The following EXOC6B variants were observed in gnomAD, a reference collection of about 807,000 sequenced individuals.
The protein encoded by EXOC6B is SEC15 homolog B.
EXOC6B carries 54 observed loss-of-function variants against 113.5 expected under a neutral mutation model. The observed-to-expected ratio is 0.48, with a 90% CI of 0.38 to 0.60. The LOEUF is 0.60. Among genes scored for constraint, EXOC6B ranks in the 20% least tolerant of loss-of-function variants. The pLI is 0.00. For missense variants in EXOC6B, 797 were observed against 977.5 expected, an observed-to-expected ratio of 0.82 and a Z score of 2.46; for synonymous variants, 357 against 339.0, an observed-to-expected ratio of 1.05 and a Z score of -0.58.
intron 20 of EXOC6B, among the ~76,000 whole-genome samples, chr2:72,293,644 T>C (rs2104723234): frequency 6.6e-6 from 1 of 152,276 alleles, no homozygotes; most frequent in South Asian, 2.1e-4. Flanking sequence ...GTTTTGGAGC[T>C]TTTGGCTTAG....
At chr2:72,343,935 T>A (rs1430170398) in intron 19 of EXOC6B, among the ~76,000 whole-genome samples, 2 of 152,094 alleles carry the variant, frequency 1.3e-5, no homozygotes, top group Non-Finnish European at 2.9e-5. Flanking sequence ...TTCCGTTCAT[T>A]TTAATTGGAG....
chr2:72,192,091 G>A (rs552508121), intron 20 of EXOC6B, among the ~76,000 whole-genome samples: 18 of 152,092 alleles, frequency 1.2e-4, no homozygotes, highest in African/African-American at 1.7e-4. Context: ...ATTGTTGGAC[G>A]TACCCTACCT....
At chr2:72,647,795 A>T (rs981099897) in intron 6 of EXOC6B, among the ~76,000 whole-genome samples, 1 of 152,242 alleles carries the variant, frequency 6.6e-6, no homozygotes, top group Non-Finnish European at 1.5e-5. Flanking sequence ...TGGATTAAAG[A>T]CTTAAATGTT....
At position 72,825,705 on chromosome 2, in the gene EXOC6B, GGACCTGGGGACAGCCGGCCGGAGGCCC is replaced by G; in HGVS notation, c.113+66_113+92del. The G allele has an allele frequency of 7.3e-7, 1 of 1,367,126 alleles. No individual in the cohort carries two copies. The allele number at this position is 1,367,126 out of a possible 1,614,324, so 84.7% of individuals were successfully genotyped here. ...CTCTCCGAAGGGAGGGGCCGGCGCC[GGACCTGGGGACAGCCGGCCGGAGGCCC>G]GACCCAGAGGAGCCTGCCCCGTCCC... On this transcript the variant is annotated intron_variant, in intron 1 of 21. Transcript: ENST00000272427. The surrounding 1 kb of genome is among the most constrained non-coding windows in gnomAD (Gnocchi z 4.4).
chr2:72,815,413 C>T (rs1686175434), intron 1 of EXOC6B, among the ~76,000 whole-genome samples: 1 of 151,686 alleles, frequency 6.6e-6, no homozygotes, highest in South Asian at 2.1e-4. Flanking sequence ...ATCGCTTCAG[C>T]CCAGGAGACG....
At chr2:72,810,741 A>G (rs1685860375) in intron 1 of EXOC6B, among the ~76,000 whole-genome samples, 1 of 152,172 alleles carries the variant, frequency 6.6e-6, no homozygotes, top group Non-Finnish European at 1.5e-5. Flanking sequence ...TAAAGAATGA[A>G]AAAGGGAATA....
chr2:72,528,374 C>T (rs915762130), intron 8 of EXOC6B, among the ~76,000 whole-genome samples: 3 of 151,972 alleles, frequency 2.0e-5, no homozygotes, highest in Non-Finnish European at 4.4e-5. Context: ...TTCCTGGGTT[C>T]TCTATTCTGT....
intron 20 of EXOC6B, among the ~76,000 whole-genome samples, chr2:72,247,383 TA>T (rs1379580478): frequency 6.6e-5 from 10 of 152,130 alleles, no homozygotes; most frequent in African/African-American, 2.4e-4. Flanking sequence ...ATACCTAAAG[TA>T]GTAGGGGAAT....
chr2:72,388,711 T>C (rs528533727), intron 18 of EXOC6B, among the ~76,000 whole-genome samples: 1 of 152,248 alleles, frequency 6.6e-6, no homozygotes, highest in African/African-American at 2.4e-5. Context: ...TCTGCCAGTT[T>C]TTGTTTGATG....
chr2:72,184,115 G>A lies in EXOC6B; in HGVS notation c.2269C>T (p.Leu757Phe). 1.3e-6 allele frequency: 2 copies of A among 1,566,220 alleles called. No homozygotes were observed. The highest frequency in any genetic ancestry group is 1.7e-6 in the Non-Finnish European group (2 of 1,154,656). ...ADYGQPNCKY[L>F]RVNPVTALTL... Reference sequence around the variant, plus strand: ...AGAGCAGTCACTGGGTTTACCCGGAGGTACTTGCAGTTGGGCTGACCATAG... The same window carrying A: ...AGAGCAGTCACTGGGTTTACCCGGAAGTACTTGCAGTTGGGCTGACCATAG... Residue 757 changes from leucine to phenylalanine, a missense_variant, in exon 21 of 22, where the codon CTC becomes TTC. By Grantham distance (22) the Leu-to-Phe change is conservative (BLOSUM62 0). Transcript: ENST00000272427.
chr2:72,471,287 G>A (rs1179827263), intron 17 of EXOC6B, among the ~76,000 whole-genome samples: 1 of 152,046 alleles, frequency 6.6e-6, no homozygotes, highest in Admixed American at 6.6e-5. Flanking sequence ...GTCTGTTCAT[G>A]TCCTTCGCCC....
At chr2:72,595,369 AATAAT>A (rs1441029754) in intron 6 of EXOC6B, among the ~76,000 whole-genome samples, 3 of 148,648 alleles carry the variant, frequency 2.0e-5, no homozygotes, top group Admixed American at 1.3e-4. Context: ...AAGATAGGCT[AATAAT>A]ATAATTTTAA....
chr2:72,823,479 C>CAA (rs1214480106), intron 1 of EXOC6B, among the ~76,000 whole-genome samples: 10 of 95,330 alleles, frequency 1.0e-4, no homozygotes, highest in East Asian at 6.4e-4. Context: ...AAAAAAAAAA[C>CAA]AAAAAACAAA....
intron 10 of EXOC6B, among the ~76,000 whole-genome samples, chr2:72,513,654 T>C (rs1199878535): frequency 6.6e-6 from 1 of 151,876 alleles, no homozygotes; most frequent in Non-Finnish European, 1.5e-5. Context: ...ACATCATATA[T>C]ATATATAATG....
chr2:72,403,806 T>C (rs1380159898), intron 18 of EXOC6B, among the ~76,000 whole-genome samples: 1 of 152,200 alleles, frequency 6.6e-6, no homozygotes, highest in African/African-American at 2.4e-5. Context: ...TGGTGATTTC[T>C]GCATTTCCAA....
intron 6 of EXOC6B, among the ~76,000 whole-genome samples, chr2:72,599,778 C>CA (rs1670296671): frequency 6.6e-6 from 1 of 151,728 alleles, no homozygotes; most frequent in African/African-American, 2.4e-5. Flanking sequence ...ACTTGAAATT[C>CA]AAAACCCAGT....
At chr2:72,571,925 T>C (rs1002925342) in intron 7 of EXOC6B, among the ~76,000 whole-genome samples, 4 of 152,124 alleles carry the variant, frequency 2.6e-5, no homozygotes, top group African/African-American at 9.7e-5. Flanking sequence ...TAAAATGTTA[T>C]TCAATGAAAA....
intron 18 of EXOC6B, among the ~76,000 whole-genome samples, chr2:72,384,386 A>G (rs555349628): frequency 6.6e-6 from 1 of 152,104 alleles, no homozygotes; most frequent in Non-Finnish European, 1.5e-5. Flanking sequence ...TAAAAGCCAT[A>G]TATGACAATC....
At chr2:72,380,211 A>G (rs1315887447) in intron 18 of EXOC6B, among the ~76,000 whole-genome samples, 1 of 152,248 alleles carries the variant, frequency 6.6e-6, no homozygotes, top group African/African-American at 2.4e-5. Context: ...ATTGCAGAAT[A>G]CAATATTCCA....
Sources: allele counts gnomAD v4.1 joint callset (sites outside exome capture counted in the v4.1 genomes callset), GRCh38; gene constraint gnomAD v4.1.1; non-coding constraint Gnocchi (gnomAD v3.1); transcripts MANE v1.5; gene names NCBI Gene and HGNC (gene_info 2026-07-23, HGNC 2026-07-21).